SHISAL2A: variants seen among roughly 807,000 people sequenced by gnomAD.
The protein encoded by SHISAL2A is shisa like 2A, also known as protein shisa-like-2A.
SHISAL2A carries 18 observed loss-of-function variants against 11.5 expected under a neutral mutation model. The observed-to-expected ratio is 1.57, with a 90% CI of 1.08 to 2.33. SHISAL2A has a LOEUF of 2.33. Among genes scored for constraint, SHISAL2A ranks in the 30% most tolerant of loss-of-function variants. The probability of loss-of-function intolerance (pLI) is 0.00; values close to 1 mark genes in which losing one functional copy is unlikely to be tolerated. For synonymous variants in SHISAL2A, 94 were observed against 99.6 expected, an observed-to-expected ratio of 0.94 and a Z score of 0.34; for missense variants, 261 against 250.9, an observed-to-expected ratio of 1.04 and a Z score of -0.27.
intron 4 of SHISAL2A, among the ~76,000 whole-genome samples, chr1:52,666,223 G>A (rs914652130): frequency 1.3e-5 from 2 of 152,036 alleles, no homozygotes; most frequent in Non-Finnish European, 2.9e-5. Flanking sequence ...CGACTGAGAC[G>A]GGGGGATCAC....
chr1:52,647,481 GAAATGCAA>G (rs753031218), intron 2 of SHISAL2A, among the ~76,000 whole-genome samples: 7 of 152,066 alleles, frequency 4.6e-5, no homozygotes, highest in Non-Finnish European at 1.0e-4. Flanking sequence ...TGTTAAAAAA[GAAATGCAA>G]ATGCCCAATG....
chr1:52,646,492 T>TACACACACACAC (rs35929137), intron 2 of SHISAL2A, among the ~76,000 whole-genome samples: 315 of 145,352 alleles, frequency 2.2e-3, no homozygotes, highest in African/African-American at 5.7e-3. Context: ...TAAATATCTA[T>TACACACACACAC]ACACACACAC....
chr1:52,640,053 G>T (rs1043443189), intron 1 of SHISAL2A: 15 of 152,310 alleles, frequency 9.8e-5, no homozygotes, highest in African/African-American at 3.4e-4. Flanking sequence ...TCATCCCAAA[G>T]TGCTGAGATT....
At chr1:52,656,497 A>G (rs915311359) in intron 2 of SHISAL2A, among the ~76,000 whole-genome samples, 1 of 152,214 alleles carries the variant, frequency 6.6e-6, no homozygotes, top group African/African-American at 2.4e-5. Flanking sequence ...CATCTATAAA[A>G]TGGATTTCTA....
chr1:52,637,000 C>T (rs1012668169), intron 1 of SHISAL2A, among the ~76,000 whole-genome samples: 1 of 152,198 alleles, frequency 6.6e-6, no homozygotes, highest in African/African-American at 2.4e-5. Flanking sequence ...CCCTCTTCCA[C>T]TAACCCCTTC....
At chr1:52,647,644 G>A (rs1016619793) in intron 2 of SHISAL2A, among the ~76,000 whole-genome samples, 25 of 151,988 alleles carry the variant, frequency 1.6e-4, no homozygotes, top group African/African-American at 4.1e-4. Context: ...TCAGAAGTTC[G>A]AGACCAGCCT....
At chr1:52,664,379 G>A (rs934600739) in intron 4 of SHISAL2A, among the ~76,000 whole-genome samples, 2 of 144,298 alleles carry the variant, frequency 1.4e-5, no homozygotes, top group African/African-American at 2.6e-5. Context: ...TTTTGAAACC[G>A]AGTTTTGCTC....
At position 52,642,512 on chromosome 1, in the gene SHISAL2A, G is replaced by A. The variant is rs1053005973; in HGVS notation, c.183-351G>A. Among the ~76,000 whole-genome samples the A allele has an allele frequency of 9.4e-5, 14 of 149,100 alleles. No homozygotes were observed. The South Asian group carries it at 2.3e-3, about 25-fold the overall frequency. On this transcript the variant is annotated intron_variant, in intron 1 of 2. Coordinates refer to ENST00000517870, the MANE Select transcript of SHISAL2A (RefSeq NM_001042693.3). Reference sequence around the variant, plus strand: ...ACGATCTCGGCTCACTGCAACCTCCGCCTCCCGAGTTCAAGTGATTCTCGT... The same window carrying A: ...ACGATCTCGGCTCACTGCAACCTCCACCTCCCGAGTTCAAGTGATTCTCGT...
chr1:52,666,222 CG>C (rs1027933161), intron 4 of SHISAL2A, among the ~76,000 whole-genome samples: 3 of 152,028 alleles, frequency 2.0e-5, no homozygotes, highest in African/African-American at 7.2e-5. Flanking sequence ...ACGACTGAGA[CG>C]GGGGGATCAC....
At chr1:52,639,581 G>A (rs1691313443) in intron 1 of SHISAL2A, among the ~76,000 whole-genome samples, 1 of 151,848 alleles carries the variant, frequency 6.6e-6, no homozygotes. Context: ...GTGAAACCCT[G>A]TCTCTATTAA....
At chr1:52,664,698 G>T (rs1359325849) in intron 4 of SHISAL2A, among the ~76,000 whole-genome samples, 1 of 152,056 alleles carries the variant, frequency 6.6e-6, no homozygotes, top group Non-Finnish European at 1.5e-5. Context: ...GGGTTTCACT[G>T]TGTTGGCCAG....
chr1:52,657,138 G>C, downstream of SHISAL2A: 3 of 1,442,028 alleles, frequency 2.1e-6, no homozygotes, highest in Non-Finnish European at 2.8e-6. Context: ...ATAAATGAGG[G>C]CTTCTCCCAG....
At chr1:52,651,090 G>C (rs533954628) in intron 2 of SHISAL2A, among the ~76,000 whole-genome samples, 13 of 152,024 alleles carry the variant, frequency 8.6e-5, no homozygotes, top group East Asian at 1.9e-4. Flanking sequence ...TTAACTTTCA[G>C]TTGGATAGAA....
At chr1:52,641,437 A>C (rs912070086) in intron 1 of SHISAL2A, among the ~76,000 whole-genome samples, 7 of 150,980 alleles carry the variant, frequency 4.6e-5, no homozygotes, top group African/African-American at 1.7e-4. Context: ...TGTGGGGAAA[A>C]CCCCCCCATA....
At chr1:52,653,454 T>C in intron 2 of SHISAL2A, among the ~76,000 whole-genome samples, 1 of 151,782 alleles carries the variant, frequency 6.6e-6, no homozygotes, top group East Asian at 1.9e-4. Context: ...AGCAAGACTC[T>C]GTCTCAAAAA....
intron 2 of SHISAL2A, among the ~76,000 whole-genome samples, chr1:52,644,976 C>T (rs2149879812): frequency 6.7e-6 from 1 of 149,278 alleles, no homozygotes; most frequent in Non-Finnish European, 1.5e-5. Flanking sequence ...GAAATTGCGC[C>T]ACTGCACTCC....
chr1:52,650,679 C>G (rs1179619871), intron 2 of SHISAL2A, among the ~76,000 whole-genome samples: 1 of 126,138 alleles, frequency 7.9e-6, no homozygotes, highest in Non-Finnish European at 1.6e-5. Context: ...GAATCTCCCT[C>G]TGTTACCCAG....
chr1:52,662,063 C>T (rs1268122477), downstream of SHISAL2A, among the ~76,000 whole-genome samples: 1 of 151,914 alleles, frequency 6.6e-6, no homozygotes, highest in Middle Eastern at 3.4e-3. Flanking sequence ...AATCCTGCAA[C>T]CCCGCCCTTC....
chr1:52,663,715 T>G (rs1181139717), intron 4 of SHISAL2A, among the ~76,000 whole-genome samples: 1 of 152,076 alleles, frequency 6.6e-6, no homozygotes, highest in Admixed American at 6.5e-5. Context: ...GAGCTGAGAC[T>G]GCATCATTGC....
Sources: allele counts gnomAD v4.1 joint callset (sites outside exome capture counted in the v4.1 genomes callset), GRCh38; gene constraint gnomAD v4.1.1; transcripts MANE v1.5; gene names NCBI Gene and HGNC (gene_info 2026-07-23, HGNC 2026-07-21).